BEND6: variants seen among roughly 807,000 people sequenced by gnomAD.
BEND6 encodes BEN domain containing 6, also known as BEN domain-containing protein 6.
A neutral mutation model predicts 31.8 loss-of-function variants in BEND6; 24 were observed. The observed-to-expected ratio is 0.75, with a 90% CI of 0.55 to 1.06. The LOEUF (loss-of-function observed/expected upper bound fraction) is 1.06. BEND6 is among the 50% of genes least tolerant of loss of function. The pLI, the probability that BEND6 is intolerant of heterozygous loss-of-function variation, is 0.00. For missense variants in BEND6, 294 were observed against 327.4 expected (o/e 0.90, Z 0.79); for synonymous variants, 109 against 114.6 (o/e 0.95, Z 0.31).
intron 3 of BEND6, among the ~76,000 whole-genome samples, chr6:56,994,662 T>G (rs780909377): frequency 3.9e-5 from 6 of 152,002 alleles, no homozygotes; most frequent in Non-Finnish European, 7.4e-5. Flanking sequence ...TTAGTAGAAA[T>G]GCTTTACCTA....
intron 2 of BEND6, 149 bp from the exon 3 acceptor site, chr6:56,992,229 C>A: frequency 1.2e-6 from 1 of 811,322 alleles, no homozygotes; most frequent in Non-Finnish European, 1.8e-6. Context: ...CCTCTGCCTG[C>A]TGGAGGACAA....
chr6:56,970,157 A>C (rs911884013), intron 1 of BEND6, among the ~76,000 whole-genome samples: 1 of 152,148 alleles, frequency 6.6e-6, no homozygotes, highest in Non-Finnish European at 1.5e-5. Context: ...GTCAAAAAAA[A>C]TTTAAAGCTC....
At chr6:57,021,719 A>T (rs1472799308) in intron 6 of BEND6, among the ~76,000 whole-genome samples, 2 of 152,152 alleles carry the variant, frequency 1.3e-5, no homozygotes, top group Non-Finnish European at 2.9e-5. Context: ...CAACTAAGTG[A>T]CCAAACTGCC....
intron 4 of BEND6, among the ~76,000 whole-genome samples, chr6:57,015,810 GAA>G (rs888955685): frequency 1.2e-4 from 11 of 94,162 alleles, no homozygotes; most frequent in Admixed American, 2.5e-4. Context: ...GACTCCGTCT[GAA>G]AAAAAAAAAA....
intron 3 of BEND6, among the ~76,000 whole-genome samples, chr6:57,006,826 T>G (rs1342641229): frequency 6.6e-6 from 1 of 152,154 alleles, no homozygotes; most frequent in Admixed American, 6.5e-5. Context: ...ATCACTCAAA[T>G]ATACTACCAA....
chr6:56,967,607 G>A (rs1825530535), intron 1 of BEND6, among the ~76,000 whole-genome samples: 1 of 152,118 alleles, frequency 6.6e-6, no homozygotes, highest in Admixed American at 6.5e-5. Flanking sequence ...GAGGGCCAAA[G>A]AAAGGGTCTC....
At chr6:56,975,758 A>G in intron 1 of BEND6, 1 of 521,822 alleles carries the variant, frequency 1.9e-6, no homozygotes, top group Non-Finnish European at 3.8e-6. Flanking sequence ...TATGAAACGT[A>G]AACCTCCCAT....
intron 1 of BEND6, chr6:56,976,146 G>A (rs1386286833): frequency 4.7e-6 from 1 of 212,092 alleles, no homozygotes; most frequent in Non-Finnish European, 9.5e-6. Context: ...TTTATTATCA[G>A]TGCATGCCAA....
At chr6:56,972,631 AAAG>A (rs1303288764) in intron 1 of BEND6, among the ~76,000 whole-genome samples, 3 of 152,222 alleles carry the variant, frequency 2.0e-5, no homozygotes, top group Non-Finnish European at 2.9e-5. Flanking sequence ...TTTCAGATAA[AAAG>A]AAGATGTATT....
chr6:56,962,621 G>A (rs1297501289), intron 1 of BEND6, among the ~76,000 whole-genome samples: 1 of 152,160 alleles, frequency 6.6e-6, no homozygotes, highest in African/African-American at 2.4e-5. Flanking sequence ...ACTGTTCTTT[G>A]CACACTTTCA....
intron 1 of BEND6, among the ~76,000 whole-genome samples, chr6:56,964,956 T>C (rs2127839816): frequency 6.6e-6 from 1 of 152,328 alleles, no homozygotes; most frequent in South Asian, 2.1e-4. Flanking sequence ...GATCAACACT[T>C]GCATTCTCCA....
chr6:56,983,160 G>GT (rs1273051535), intron 2 of BEND6, among the ~76,000 whole-genome samples: 1 of 151,946 alleles, frequency 6.6e-6, no homozygotes, highest in African/African-American at 2.4e-5. Flanking sequence ...AATCAGCACT[G>GT]TTTTTTTAAA....
chr6:57,012,110 A>C (rs1827368658), intron 3 of BEND6, among the ~76,000 whole-genome samples: 1 of 152,182 alleles, frequency 6.6e-6, no homozygotes, highest in African/African-American at 2.4e-5. Flanking sequence ...GGGTGGCAGA[A>C]TGAGACTCTG....
intron 1 of BEND6, among the ~76,000 whole-genome samples, chr6:56,970,639 G>C (rs1373278148): frequency 6.6e-6 from 1 of 152,172 alleles, no homozygotes; most frequent in Non-Finnish European, 1.5e-5. Flanking sequence ...TCAGAAACTG[G>C]TAGTATTTAA....
intron 1 of BEND6, among the ~76,000 whole-genome samples, chr6:56,976,602 T>G (rs1248707101): frequency 6.6e-6 from 1 of 152,120 alleles, no homozygotes; most frequent in East Asian, 1.9e-4. Context: ...TCTTGCTCTG[T>G]CACTCAGGCT....
At chr6:56,981,590 TAATC>T in intron 1 of BEND6, 117 bp from the exon 2 acceptor site, 1 of 356,448 alleles carries the variant, frequency 2.8e-6, no homozygotes, top group Non-Finnish European at 5.0e-6. Flanking sequence ...TGTACTAAAT[TAATC>T]AGTGGAAGAA....
rs113252027 is a variant in BEND6 at position 57,004,332 on chromosome 6, T to C, written c.299-10801T>C. Among the ~76,000 whole-genome samples, 699 of 152,296 alleles carry C rather than the reference T, an allele frequency of 4.6e-3. 6 individuals are homozygous for C. The highest frequency in any genetic ancestry group is 0.016 in the African/African-American group (671 of 41,546). On this transcript the variant is annotated intron_variant, in intron 3 of 6. Transcript: ENST00000370746. The stretch of plus-strand genomic sequence containing the variant: ...TAACGACTCTAGTGAAGTTTCAGGA[T>C]ACAAAATAAATGTAGGCCAGACTTT...
At chr6:56,987,151 T>G (rs906633157) in intron 2 of BEND6, among the ~76,000 whole-genome samples, 24 of 152,048 alleles carry the variant, frequency 1.6e-4, no homozygotes, top group African/African-American at 5.8e-4. Flanking sequence ...CTAATTTTTT[T>G]GTATTTTTAG....
intron 6 of BEND6, among the ~76,000 whole-genome samples, chr6:57,018,922 G>C (rs1211821778): frequency 6.6e-6 from 1 of 152,150 alleles, no homozygotes; most frequent in Admixed American, 6.5e-5. Flanking sequence ...CCAAAGGAAG[G>C]ACACATGACA....
Sources: allele counts gnomAD v4.1 joint callset (sites outside exome capture counted in the v4.1 genomes callset), GRCh38; gene constraint gnomAD v4.1.1; transcripts MANE v1.5; gene names NCBI Gene and HGNC (gene_info 2026-07-23, HGNC 2026-07-21).